The following COL25A1 variants were observed in gnomAD, a reference collection of about 807,000 sequenced individuals.
The protein encoded by COL25A1 is collagen alpha-1(XXV) chain.
A neutral mutation model predicts 128.4 loss-of-function variants in COL25A1; 103 were observed. The ratio of observed to expected loss-of-function variants is 0.80; its 90% CI spans 0.68 to 0.94. The LOEUF is 0.94. Among genes scored for constraint, COL25A1 ranks in the 40% least tolerant of loss-of-function variants. COL25A1 has a pLI of 0.00. For missense variants in COL25A1, 745 were observed against 840.0 expected, an observed-to-expected ratio of 0.89 and a Z score of 1.40; for synonymous variants, 279 against 277.2, an observed-to-expected ratio of 1.01 and a Z score of -0.06.
chr4:109,141,927 T>G (rs1770443915), intron 3 of COL25A1, among the ~76,000 whole-genome samples: 3 of 152,198 alleles, frequency 2.0e-5, no homozygotes, highest in Admixed American at 1.3e-4. Context: ...TCTATCTACT[T>G]CAGTTCTGCT....
chr4:108,843,455 A>C (rs573203809), intron 30 of COL25A1, among the ~76,000 whole-genome samples: 17 of 152,300 alleles, frequency 1.1e-4, no homozygotes, highest in African/African-American at 4.1e-4. Flanking sequence ...TGCCCCAGTC[A>C]AAAGCATTTG....
At chr4:108,990,887 C>T (rs1263644558) in intron 6 of COL25A1, among the ~76,000 whole-genome samples, 1 of 152,170 alleles carries the variant, frequency 6.6e-6, no homozygotes, top group Non-Finnish European at 1.5e-5. Context: ...AACTTAAACC[C>T]AGGTACCTAC....
chr4:109,273,343 A>G (rs1045813422), intron 3 of COL25A1, among the ~76,000 whole-genome samples: 1 of 152,218 alleles, frequency 6.6e-6, no homozygotes, highest in African/African-American at 2.4e-5. Context: ...ATTAAACTAG[A>G]TGCTAATAAT....
At chr4:108,906,007 A>C (rs1464981358) in intron 13 of COL25A1, among the ~76,000 whole-genome samples, 1 of 152,124 alleles carries the variant, frequency 6.6e-6, no homozygotes, top group Non-Finnish European at 1.5e-5. Context: ...CAGTGGTTAG[A>C]GGCTGACTCT....
chr4:109,059,388 C>G (rs1387918512), intron 3 of COL25A1, among the ~76,000 whole-genome samples: 3 of 152,202 alleles, frequency 2.0e-5, no homozygotes, highest in African/African-American at 7.2e-5. Context: ...ATTAAACACA[C>G]TATAGGTCAG....
At chr4:108,911,743 A>C (rs1377606404) in intron 13 of COL25A1, among the ~76,000 whole-genome samples, 2 of 152,200 alleles carry the variant, frequency 1.3e-5, no homozygotes, top group East Asian at 3.9e-4. Context: ...GTTTTACATT[A>C]AAATAGAAAA....
At chr4:109,220,358 ACT>A (rs1560889894) in intron 3 of COL25A1, among the ~76,000 whole-genome samples, 1 of 152,210 alleles carries the variant, frequency 6.6e-6, no homozygotes, top group East Asian at 1.9e-4. Context: ...GTTTATCTCA[ACT>A]GATAAGATAT....
chr4:109,013,096 T>A (rs1201565369), intron 5 of COL25A1, among the ~76,000 whole-genome samples: 1 of 152,104 alleles, frequency 6.6e-6, no homozygotes, highest in Non-Finnish European at 1.5e-5. Flanking sequence ...GCTAAAGGAT[T>A]GTAAATGCAC....
At chr4:108,876,517 T>C (rs190731125) in intron 19 of COL25A1, among the ~76,000 whole-genome samples, 171 of 152,312 alleles carry the variant, frequency 1.1e-3, no homozygotes, top group African/African-American at 3.8e-3. Flanking sequence ...ACAAACAGAA[T>C]AATCTAAACA....
chr4:108,892,728 A>G (rs1254003128), intron 16 of COL25A1, among the ~76,000 whole-genome samples: 2 of 152,144 alleles, frequency 1.3e-5, no homozygotes, highest in Non-Finnish European at 2.9e-5. Context: ...CTATGCATGC[A>G]CAGAAGACAC....
At chr4:109,082,598 A>G (rs1763938225) in intron 3 of COL25A1, among the ~76,000 whole-genome samples, 1 of 152,190 alleles carries the variant, frequency 6.6e-6, no homozygotes, top group Non-Finnish European at 1.5e-5. Context: ...TATCTTCTGT[A>G]GAGAAATGTC....
intron 11 of COL25A1, among the ~76,000 whole-genome samples, chr4:108,935,979 A>G (rs1747356413): frequency 6.6e-6 from 1 of 152,220 alleles, no homozygotes; most frequent in African/African-American, 2.4e-5. Flanking sequence ...GGGGACAAAC[A>G]AAGGCTCCTG....
At chr4:109,275,094 C>T (rs989258392) in intron 3 of COL25A1, among the ~76,000 whole-genome samples, 6 of 152,104 alleles carry the variant, frequency 3.9e-5, no homozygotes, top group African/African-American at 1.2e-4. Flanking sequence ...TACAAAAGGG[C>T]ACTCTAAGCC....
chr4:108,967,705 T>C (rs1751472933), intron 8 of COL25A1, among the ~76,000 whole-genome samples: 2 of 152,176 alleles, frequency 1.3e-5, no homozygotes, highest in Admixed American at 1.3e-4. Flanking sequence ...AGAGATGATG[T>C]ATGCAACTTA....
Position 108,811,467 on chromosome 4 carries a change from G to A in COL25A1, c.*2460C>T, listed in dbSNP as rs1730785624. ...TAAAGTGTTTTTCTTTTGATGTTGA[G>A]GTATCGTCTCCTGAAGCTGTGCAAG... On this transcript the variant is annotated 3_prime_UTR_variant, in exon 38 of 38. Transcript: ENST00000399132. 6.6e-6 allele frequency: 1 copy of A among 151,958 alleles called. No homozygotes were observed. Among genetic ancestry groups the A allele is most frequent in the African/African-American group, 2.4e-5 (1 of 41,408 alleles). 9.4% of individuals were successfully genotyped at this position (151,958 alleles called of 1,614,324 possible). A position where few individuals can be genotyped will look rare whatever the true frequency, so the allele number is the denominator to read the frequency against.
At chr4:108,857,208 T>C (rs1736627349) in intron 24 of COL25A1, among the ~76,000 whole-genome samples, 1 of 152,086 alleles carries the variant, frequency 6.6e-6, no homozygotes, top group Non-Finnish European at 1.5e-5. Flanking sequence ...TCAAGGGCAA[T>C]TTACAACATT....
chr4:108,881,325 A>T (rs989064597), intron 19 of COL25A1, among the ~76,000 whole-genome samples: 1 of 152,174 alleles, frequency 6.6e-6, no homozygotes, highest in Non-Finnish European at 1.5e-5. Flanking sequence ...TAAGTTTCCA[A>T]CCATTCCCCG....
chr4:109,074,785 A>AG (rs1441800853), intron 3 of COL25A1, among the ~76,000 whole-genome samples: 1 of 152,218 alleles, frequency 6.6e-6, no homozygotes, highest in Non-Finnish European at 1.5e-5. Context: ...GTTTCATTTA[A>AG]GAAAACTAAG....
chr4:108,971,458 T>C (rs1751904024), intron 8 of COL25A1, among the ~76,000 whole-genome samples: 1 of 152,144 alleles, frequency 6.6e-6, no homozygotes. Flanking sequence ...GTTAGAGAAG[T>C]TCTCTCAGAG....
Sources: allele counts gnomAD v4.1 joint callset (sites outside exome capture counted in the v4.1 genomes callset), GRCh38; gene constraint gnomAD v4.1.1; transcripts MANE v1.5; gene names NCBI Gene and HGNC (gene_info 2026-07-23, HGNC 2026-07-21).